PDE4B: variants seen among roughly 807,000 people sequenced by gnomAD.
The protein encoded by PDE4B is 3',5'-cyclic-AMP phosphodiesterase 4B.
PDE4B carries 20 observed loss-of-function variants against 82.2 expected under a neutral mutation model. That is an observed-to-expected ratio of 0.24 (90% CI 0.17 to 0.35). PDE4B has a LOEUF of 0.35. PDE4B is among the 10% of genes least tolerant of loss of function. The pLI is 1.00. For synonymous variants in PDE4B, 320 were observed against 318.9 expected (o/e 1.00, Z -0.04); for missense variants, 655 against 907.2 (o/e 0.72, Z 3.57).
chr1:65,982,976 G>A (rs1650763795), intron 3 of PDE4B, among the ~76,000 whole-genome samples: 1 of 152,262 alleles, frequency 6.6e-6, no homozygotes, highest in African/African-American at 2.4e-5. Flanking sequence ...GGCAGGTCTG[G>A]CCACTAATGC....
intron 3 of PDE4B, among the ~76,000 whole-genome samples, chr1:65,983,532 G>A (rs2503194): frequency 0.7 from 105,826 of 152,004 alleles, 36,937 homozygotes; most frequent in Middle Eastern, 0.73. Context: ...ATTAAGGTGG[G>A]TCCTAAGCCA....
intron 3 of PDE4B, among the ~76,000 whole-genome samples, chr1:66,198,213 A>G (rs1005993787): frequency 1.3e-5 from 2 of 152,268 alleles, no homozygotes; most frequent in Non-Finnish European, 2.9e-5. Flanking sequence ...TCCTGGGGGT[A>G]GAAATCATTT....
chr1:66,157,210 G>A (rs758890355), intron 3 of PDE4B, among the ~76,000 whole-genome samples: 6 of 152,050 alleles, frequency 3.9e-5, no homozygotes, highest in South Asian at 4.1e-4. Context: ...TTTCTCATTC[G>A]CAGCATCTTG....
chr1:65,806,154 A>G (rs1014868876), intron 1 of PDE4B, among the ~76,000 whole-genome samples: 4 of 152,196 alleles, frequency 2.6e-5, no homozygotes, highest in Admixed American at 2.6e-4. Flanking sequence ...TGTGTAAAAA[A>G]CATTCTATTG....
intron 3 of PDE4B, chr1:66,094,351 C>CA (rs1645076670): frequency 6.6e-6 from 1 of 151,982 alleles, no homozygotes; most frequent in South Asian, 2.1e-4. Context: ...AGAAGAGACT[C>CA]AAAGATCTAC....
chr1:65,904,892 T>C (rs1052180999), intron 1 of PDE4B, among the ~76,000 whole-genome samples: 1 of 152,176 alleles, frequency 6.6e-6, no homozygotes, highest in African/African-American at 2.4e-5. Flanking sequence ...GTGCCTGCCA[T>C]AAAGTTATTC....
chr1:65,913,296 G>C lies in PDE4B; in HGVS notation c.-19G>C, dbSNP rs1227369702. 6.2e-7 allele frequency: 1 copy of C among 1,611,268 alleles called. No individual in the cohort carries two copies. The highest frequency in any genetic ancestry group is 8.5e-7 in the Non-Finnish European group (1 of 1,177,566). ...TTGAATAACAGACATCCTAAGAGGG[G>C]ATATTTTCCACCTCTATAATGAAGA... is the stretch of plus-strand genomic sequence containing the variant. On this transcript the variant is annotated 5_prime_UTR_variant, in exon 2 of 17. Transcript: ENST00000341517.
chr1:65,793,402 G>T (rs1570938633), intron 1 of PDE4B, among the ~76,000 whole-genome samples, 154 bp downstream of exon 1: 1 of 152,362 alleles, frequency 6.6e-6, no homozygotes, highest in East Asian at 1.9e-4. Flanking sequence ...TCTTGACGGC[G>T]TCATTGTCGC....
intron 1 of PDE4B, among the ~76,000 whole-genome samples, chr1:65,876,548 T>C (rs1016569112): frequency 6.6e-6 from 1 of 152,118 alleles, no homozygotes; most frequent in African/African-American, 2.4e-5. Context: ...TTTATATAGG[T>C]GTCAGTGAGT....
intron 7 of PDE4B, among the ~76,000 whole-genome samples, chr1:66,311,556 G>T (rs1333993935): frequency 6.6e-6 from 1 of 152,258 alleles, no homozygotes; most frequent in Non-Finnish European, 1.5e-5. Flanking sequence ...TCCACTCACA[G>T]CCATGGCAGG....
chr1:66,361,920 A>G (rs1185458196), intron 10 of PDE4B, 127 bp downstream of exon 10: 3 of 715,366 alleles, frequency 4.2e-6, no homozygotes, highest in Non-Finnish European at 6.5e-6. Flanking sequence ...AGGGAAGCTC[A>G]TATGAAATGA....
At chr1:65,995,329 T>C (rs1344281956) in intron 3 of PDE4B, among the ~76,000 whole-genome samples, 1 of 152,230 alleles carries the variant, frequency 6.6e-6, no homozygotes, top group Non-Finnish European at 1.5e-5. Flanking sequence ...AAATTTATTT[T>C]CATACAACAT....
chr1:65,994,508 A>G lies in PDE4B; in HGVS notation c.281+75673A>G, dbSNP rs1457697963. 3.6e-4 allele frequency among the ~76,000 whole-genome samples: 2 copies of G among 5,626 alleles called. 1 individual carries two copies. The highest frequency in any genetic ancestry group is 3.8e-4 in the African/African-American group (2 of 5,250). 3.7% of individuals were successfully genotyped at this position (5,626 alleles called of 152,430 possible). On this transcript the variant is annotated intron_variant, in intron 3 of 16. Coordinates refer to ENST00000341517, the MANE Select transcript of PDE4B (RefSeq NM_002600.4). ...TTCAAAGCCTACTAATGATGGTAAC[A>G]TTGTATAAAGGGAAGGTTTATGTAT...
At chr1:66,139,357 G>A (rs1270627603) in intron 3 of PDE4B, among the ~76,000 whole-genome samples, 1 of 152,122 alleles carries the variant, frequency 6.6e-6, no homozygotes, top group Non-Finnish European at 1.5e-5. Flanking sequence ...AACTCTCTTA[G>A]CTCCTTAATA....
intron 3 of PDE4B, among the ~76,000 whole-genome samples, chr1:66,237,772 T>C (rs1373734962): frequency 6.6e-6 from 1 of 152,190 alleles, no homozygotes; most frequent in Admixed American, 6.5e-5. Context: ...CTGTGAACCA[T>C]GGAGGTTATT....
intron 3 of PDE4B, among the ~76,000 whole-genome samples, chr1:66,174,490 G>T (rs1469625795): frequency 1.3e-5 from 2 of 152,084 alleles, no homozygotes; most frequent in African/African-American, 2.4e-5. Context: ...AGGTGTGGTG[G>T]CTCATACCTG....
At position 66,002,003 on chromosome 1, in the gene PDE4B, A is replaced by G. The variant is rs1310331324; in HGVS notation, c.281+83168A>G. 2.8e-4 allele frequency among the ~76,000 whole-genome samples: 43 copies of G among 152,148 alleles called. 1 individual carries two copies. Among genetic ancestry groups the G allele is most frequent in the Non-Finnish European group, 4.4e-5 (3 of 68,014 alleles). ...CTCCCAAAATGCTGTGATTACAGGC[A>G]TGAGCCACCGTGCCTGGCCTATAGT... On this transcript the variant is annotated intron_variant, in intron 3 of 16. Coordinates refer to ENST00000341517, the MANE Select transcript of PDE4B (RefSeq NM_002600.4).
chr1:66,147,626 T>C (rs1025311423), intron 3 of PDE4B, among the ~76,000 whole-genome samples: 8 of 152,224 alleles, frequency 5.3e-5, no homozygotes, highest in African/African-American at 1.9e-4. Context: ...AATCTTCTTG[T>C]CTGCTTGGAT....
chr1:65,888,048 C>T (rs1462805224), intron 1 of PDE4B, among the ~76,000 whole-genome samples: 1 of 152,014 alleles, frequency 6.6e-6, no homozygotes, highest in African/African-American at 2.4e-5. Context: ...AGTGTTTCTC[C>T]TTTGTTTTCT....
Sources: allele counts gnomAD v4.1 joint callset (sites outside exome capture counted in the v4.1 genomes callset), GRCh38; gene constraint gnomAD v4.1.1; transcripts MANE v1.5; gene names NCBI Gene and HGNC (gene_info 2026-07-23, HGNC 2026-07-21).